Variants in KCTD2 observed in about 807,000 individuals in gnomAD.
KCTD2 encodes BTB/POZ domain-containing protein KCTD2.
KCTD2 carries 18 observed loss-of-function variants against 27.9 expected under a neutral mutation model. The ratio of observed to expected loss-of-function variants is 0.64; its 90% confidence interval spans 0.45 to 0.96. The LOEUF is 0.96. Among genes scored for constraint, KCTD2 ranks in the 40% least tolerant of loss-of-function variants. The pLI is 0.00. For synonymous variants in KCTD2, 175 were observed against 148.4 expected, an observed-to-expected ratio of 1.18 and a Z score of -1.30; for missense variants, 280 against 348.0, an observed-to-expected ratio of 0.80 and a Z score of 1.56.
At chr17:75,058,732 G>A (rs2073374572) in intron 3 of KCTD2, among the ~76,000 whole-genome samples, 1 of 151,980 alleles carries the variant, frequency 6.6e-6, no homozygotes, top group Admixed American at 6.6e-5. Context: ...CGGGGAGGCG[G>A]AGTTGCAGTG....
At chr17:75,043,604 T>G (rs546970934), upstream of KCTD2, among the ~76,000 whole-genome samples, 32 of 143,208 alleles carry the variant, frequency 2.2e-4, no homozygotes, top group African/African-American at 7.6e-4. Flanking sequence ...AGAGTGAGAC[T>G]CTGTCTCAAA....
intron 3 of KCTD2, chr17:75,042,162 T>G (rs752152162): frequency 6.2e-7 from 1 of 1,606,328 alleles, no homozygotes; most frequent in African/African-American, 1.3e-5. Context: ...CTCAGTGCTT[T>G]AGAGGTGTGA....
chr17:75,040,403 AC>A (rs2073147017), intron 3 of KCTD2: 4 of 507,998 alleles, frequency 7.9e-6, no homozygotes, highest in Non-Finnish European at 1.4e-5. Flanking sequence ...CTAACTCGGA[AC>A]CCTGGACAAT....
chr17:75,064,789 AGTTAGAT>A lies in KCTD2; in HGVS notation c.*1745_*1751del, dbSNP rs1289975019. On this transcript the variant is annotated 3_prime_UTR_variant, in exon 6 of 6. Transcript: ENST00000322444. ...AGTCGTATCTTTCAGAGAAAAAAAA[AGTTAGAT>A]GTAGCCAAGGAAAGTAGTGATCACG... 1 of 152,142 alleles carries A rather than the reference AGTTAGAT, an allele frequency of 6.6e-6. No individual in the cohort carries two copies. The highest frequency in any genetic ancestry group is 2.4e-5 in the African/African-American group (1 of 41,424). 9.4% of individuals were successfully genotyped at this position (152,142 alleles called of 1,614,324 possible). A position where few individuals can be genotyped will look rare whatever the true frequency, so the allele number is the denominator to read the frequency against.
chr17:75,039,156 G>A (rs2073132392), intron 3 of KCTD2: 1 of 1,611,470 alleles, frequency 6.2e-7, no homozygotes, highest in Non-Finnish European at 8.5e-7. Flanking sequence ...AAAGATGTGT[G>A]GTCATGAAAG....
chr17:75,034,786 C>T (rs940310085), intron 2 of KCTD2, among the ~76,000 whole-genome samples: 3 of 152,030 alleles, frequency 2.0e-5, no homozygotes, highest in Admixed American at 6.6e-5. Flanking sequence ...TGGACGAGGG[C>T]GGAGGGAAGA....
At chr17:75,039,162 G>C in intron 3 of KCTD2, 1 of 1,612,360 alleles carries the variant, frequency 6.2e-7, no homozygotes, top group Non-Finnish European at 8.5e-7. Context: ...GTGTGGTCAT[G>C]AAAGAGAGAA....
At chr17:75,061,303 ATTTCCTC>A (rs1432825405) in intron 4 of KCTD2, among the ~76,000 whole-genome samples, 2 of 152,082 alleles carry the variant, frequency 1.3e-5, no homozygotes, top group South Asian at 2.1e-4. Context: ...CTGCGTGTGT[ATTTCCTC>A]TTTAGAATTA....
intron 3 of KCTD2, among the ~76,000 whole-genome samples, chr17:75,057,961 T>C (rs189085293): frequency 2.6e-3 from 383 of 149,158 alleles, no homozygotes; most frequent in Admixed American, 6.6e-3. Flanking sequence ...TTGGGAGGCC[T>C]AGGTGGGTGG....
intron 2 of KCTD2, chr17:75,035,220 C>T (rs532193478): frequency 2.0e-5 from 3 of 152,226 alleles, no homozygotes; most frequent in South Asian, 2.1e-4. Context: ...AATCTTCCCT[C>T]CCTTGTTTTA....
chr17:75,052,074 G>T (rs149957614), intron 2 of KCTD2, among the ~76,000 whole-genome samples: 2 of 152,046 alleles, frequency 1.3e-5, no homozygotes, highest in Non-Finnish European at 2.9e-5. Flanking sequence ...TTCAGGAGGT[G>T]TCCAACATGA....
chr17:75,045,195 G>C (rs1158855875), upstream of KCTD2, among the ~76,000 whole-genome samples: 3 of 152,246 alleles, frequency 2.0e-5, no homozygotes, highest in Admixed American at 2.0e-4. Context: ...AAAAGGGGAG[G>C]GAGTATACGA....
At chr17:75,044,902 T>G (rs142351398), upstream of KCTD2, among the ~76,000 whole-genome samples, 6 of 152,328 alleles carry the variant, frequency 3.9e-5, no homozygotes, top group African/African-American at 1.4e-4. Flanking sequence ...CAGGACAGCC[T>G]GTTTCCTGTT....
intron 1 of KCTD2, among the ~76,000 whole-genome samples, chr17:75,048,210 G>C (rs1567990435): frequency 1.3e-5 from 2 of 152,182 alleles, no homozygotes; most frequent in African/African-American, 2.4e-5. Context: ...TCTAGGCTAA[G>C]ACAGAAGGAA....
chr17:75,047,575 C>T lies in KCTD2; in HGVS notation c.325C>T (p.Leu109=), dbSNP rs1028412130. 1.3e-5 allele frequency: 21 copies of T among 1,609,646 alleles called. No homozygotes were observed. The highest frequency in any genetic ancestry group is 1.7e-5 in the Non-Finnish European group (20 of 1,178,320). The change falls in exon 1 of 6, where the codon CTG becomes TTG. Residue 109 remains leucine, a synonymous_variant. Coordinates refer to ENST00000322444, the MANE Select transcript of KCTD2 (RefSeq NM_015353.3). ...CRLCCQEDPE[L]DSDKDETGAY... ...CCTCTGCTGCCAGGAGGACCCGGAG[C>T]TGGACTCAGACAAGGTGTGCCCCGC...
chr17:75,060,154 C>T (rs1471395843), intron 4 of KCTD2, among the ~76,000 whole-genome samples: 2 of 152,142 alleles, frequency 1.3e-5, no homozygotes. Flanking sequence ...TCACTGTTCT[C>T]CTCCATTAGA....
upstream of KCTD2, among the ~76,000 whole-genome samples, chr17:75,044,794 C>G (rs2073196496): frequency 6.6e-6 from 1 of 152,190 alleles, no homozygotes; most frequent in Non-Finnish European, 1.5e-5. Context: ...TCAAAAATCT[C>G]TATAAGCTTG....
At chr17:75,050,871 C>G (rs2144927745) in intron 2 of KCTD2, among the ~76,000 whole-genome samples, 1 of 151,332 alleles carries the variant, frequency 6.6e-6, no homozygotes, top group Admixed American at 6.6e-5. Flanking sequence ...GAGTCAGAGT[C>G]TATCTTATCT....
chr17:75,046,956 G>C (rs1421865880), upstream of KCTD2: 2 of 169,262 alleles, frequency 1.2e-5, no homozygotes, highest in East Asian at 3.1e-4. Context: ...ACGGTCCTCC[G>C]CAGCAAGTAA....
Sources: allele counts gnomAD v4.1 joint callset (sites outside exome capture counted in the v4.1 genomes callset), GRCh38; gene constraint gnomAD v4.1.1; transcripts MANE v1.5; gene names NCBI Gene and HGNC (gene_info 2026-07-23, HGNC 2026-07-21).